Variants in ERP44 observed in about 807,000 individuals in gnomAD.
ERP44 encodes endoplasmic reticulum resident protein 44.
In ERP44, 25 loss-of-function variants were observed where a neutral mutation model predicts 53.4. The ratio of observed to expected loss-of-function variants is 0.47; its 90% confidence interval spans 0.34 to 0.65. ERP44 has a LOEUF of 0.65. ERP44 is among the 30% of genes least tolerant of loss of function. The pLI, the probability that ERP44 is intolerant of heterozygous loss-of-function variation, is 0.01. For synonymous variants in ERP44, 145 were observed against 161.2 expected (o/e 0.90, Z 0.76); for missense variants, 338 against 493.2 (o/e 0.69, Z 2.98).
intron 4 of ERP44, among the ~76,000 whole-genome samples, chr9:100,032,518 A>G (rs887993759): frequency 3.3e-5 from 5 of 152,198 alleles, no homozygotes; most frequent in African/African-American, 1.2e-4. Context: ...ATGAGATGGT[A>G]TTTGGCTTTC....
intron 10 of ERP44, chr9:99,998,700 T>C: frequency 4.1e-6 from 3 of 724,534 alleles, no homozygotes; most frequent in Non-Finnish European, 7.5e-6. Flanking sequence ...TTCTCTGCAA[T>C]TTTCTTCGGT....
intron 4 of ERP44, among the ~76,000 whole-genome samples, chr9:100,023,357 T>C (rs994851015): frequency 2.0e-5 from 3 of 151,080 alleles, no homozygotes; most frequent in African/African-American, 7.3e-5. Flanking sequence ...CCACAAAGAC[T>C]TGAGCTTATC....
chr9:100,085,477 C>T (rs569939018), intron 1 of ERP44, among the ~76,000 whole-genome samples: 4 of 152,330 alleles, frequency 2.6e-5, no homozygotes, highest in Admixed American at 1.3e-4. Flanking sequence ...GTAAATACTA[C>T]ATATGCTTTT....
intron 6 of ERP44, among the ~76,000 whole-genome samples, chr9:100,018,672 A>G (rs1830552370): frequency 2.0e-5 from 3 of 152,210 alleles, no homozygotes; most frequent in Admixed American, 2.0e-4. Flanking sequence ...AGTTCCATAA[A>G]TAAGTAATTT....
At chr9:100,009,423 T>G (rs1215871472) in intron 8 of ERP44, among the ~76,000 whole-genome samples, 1 of 152,202 alleles carries the variant, frequency 6.6e-6, no homozygotes, top group Non-Finnish European at 1.5e-5. Flanking sequence ...CAGAATATTT[T>G]TTATCACTTC....
Position 100,012,132 on chromosome 9 carries a change from C to CA in ERP44, c.762+4189dup, listed in dbSNP as rs1281119868. Among the ~76,000 whole-genome samples the CA allele has an allele frequency of 4.0e-5, 6 of 151,072 alleles. No homozygotes were observed. In the East Asian group the frequency reaches 5.8e-4, roughly 15 times the overall value. ...ATTTGGTAAAGCAACTTCTTCAAAC[C>CA]AAAAAAAAGAGACTTTCCAAGAAAA... On this transcript the variant is annotated intron_variant, in intron 8 of 11. Transcript: ENST00000262455.
chr9:100,037,062 C>G (rs1478976950), intron 4 of ERP44, among the ~76,000 whole-genome samples: 1 of 152,178 alleles, frequency 6.6e-6, no homozygotes, highest in South Asian at 2.1e-4. Flanking sequence ...GTTTTAACTT[C>G]GTTTCACTGA....
intron 8 of ERP44, among the ~76,000 whole-genome samples, chr9:100,011,760 A>T (rs1467697216): frequency 6.6e-6 from 1 of 152,212 alleles, no homozygotes; most frequent in African/African-American, 2.4e-5. Flanking sequence ...GTTCAAAAAT[A>T]ACACTGAAAA....
intron 1 of ERP44, among the ~76,000 whole-genome samples, chr9:100,088,665 T>A (rs1324005053): frequency 6.6e-6 from 1 of 152,222 alleles, no homozygotes; most frequent in Non-Finnish European, 1.5e-5. Flanking sequence ...AATAGTAGCA[T>A]GGAATAACAC....
chr9:99,986,743 A>G (rs1197797505), intron 10 of ERP44, among the ~76,000 whole-genome samples: 1 of 152,252 alleles, frequency 6.6e-6, no homozygotes, highest in East Asian at 1.9e-4. Context: ...CCAAATGCAC[A>G]GTTTACAAAT....
intron 1 of ERP44, among the ~76,000 whole-genome samples, chr9:100,064,903 T>A (rs1826192639): frequency 1.3e-5 from 2 of 152,226 alleles, no homozygotes; most frequent in Non-Finnish European, 2.9e-5. Flanking sequence ...CTATGTAACG[T>A]GTTGGTATTT....
intron 4 of ERP44, among the ~76,000 whole-genome samples, chr9:100,047,057 A>G (rs1377580389): frequency 6.6e-6 from 1 of 152,218 alleles, no homozygotes. Context: ...CAAACAATTG[A>G]ACTCCAATTC....
At position 100,076,988 on chromosome 9, in the gene ERP44, C is replaced by CA. The variant is rs1017546765; in HGVS notation, c.58-16817dup. 2.4e-4 allele frequency among the ~76,000 whole-genome samples: 36 copies of CA among 152,336 alleles called. No individual in the cohort carries two copies. The Middle Eastern group carries it at 0.01, about 43-fold the overall frequency. On this transcript the variant is annotated intron_variant, in intron 1 of 11. Coordinates refer to ENST00000262455, the MANE Select transcript of ERP44 (RefSeq NM_015051.3). ...CTGGCTTTGGCCACTGCTGAGTGCC[C>CA]AGTTTGCCAGCAGCAGAGACCAACA... is the stretch of plus-strand genomic sequence containing the variant.
At chr9:100,058,882 T>G (rs749385258) in intron 2 of ERP44, among the ~76,000 whole-genome samples, 37 of 152,362 alleles carry the variant, frequency 2.4e-4, no homozygotes, top group Non-Finnish European at 2.1e-4. Flanking sequence ...TACCTTCAAG[T>G]TACTTTTTAT....
intron 4 of ERP44, among the ~76,000 whole-genome samples, chr9:100,026,005 G>C (rs1039140034): frequency 1.3e-5 from 2 of 152,138 alleles, no homozygotes; most frequent in Non-Finnish European, 2.9e-5. Flanking sequence ...GAAGACTAAA[G>C]GAACTGACAT....
At chr9:100,017,112 G>A (rs1201452324) in intron 7 of ERP44, among the ~76,000 whole-genome samples, 1 of 152,106 alleles carries the variant, frequency 6.6e-6, no homozygotes, top group Non-Finnish European at 1.5e-5. Flanking sequence ...CTACATATCT[G>A]TTTCTACATT....
intron 1 of ERP44, among the ~76,000 whole-genome samples, chr9:100,096,081 T>C (rs185451176): frequency 1.3e-5 from 2 of 152,224 alleles, no homozygotes; most frequent in East Asian, 3.9e-4. Context: ...AACATACTTA[T>C]CAAGAGATTA....
chr9:99,997,825 C>T (rs1830329366), intron 10 of ERP44, among the ~76,000 whole-genome samples: 1 of 152,066 alleles, frequency 6.6e-6, no homozygotes, highest in Admixed American at 6.5e-5. Flanking sequence ...GCATGGCTGA[C>T]TCACAAAGGT....
At chr9:100,079,320 C>T (rs1352600860) in intron 1 of ERP44, among the ~76,000 whole-genome samples, 1 of 152,136 alleles carries the variant, frequency 6.6e-6, no homozygotes, top group African/African-American at 2.4e-5. Flanking sequence ...AGCTTTCGCA[C>T]TCAGACTGGC....
Sources: allele counts gnomAD v4.1 joint callset (sites outside exome capture counted in the v4.1 genomes callset), GRCh38; gene constraint gnomAD v4.1.1; transcripts MANE v1.5; gene names NCBI Gene and HGNC (gene_info 2026-07-23, HGNC 2026-07-21).